The following PCCB variants were observed in gnomAD, a reference collection of about 807,000 sequenced individuals.
PCCB encodes the protein propionyl-CoA carboxylase subunit beta.
In PCCB, 43 loss-of-function variants were observed where a neutral mutation model predicts 60.7. The ratio of observed to expected loss-of-function variants is 0.71; its 90% CI spans 0.55 to 0.91. The LOEUF is 0.91. Ranked by LOEUF, PCCB falls within the 40% of genes least tolerant of loss-of-function variation. The probability of loss-of-function intolerance (pLI) is 0.00; values close to 1 mark genes in which losing one functional copy is unlikely to be tolerated. For missense variants in PCCB, 766 were observed against 702.8 expected, an observed-to-expected ratio of 1.09 and a Z score of -1.02; for synonymous variants, 276 against 255.9, an observed-to-expected ratio of 1.08 and a Z score of -0.75.
chr3:136,292,560 G>A (rs978260116), intron 6 of PCCB, among the ~76,000 whole-genome samples: 1 of 152,134 alleles, frequency 6.6e-6, no homozygotes, highest in Admixed American at 6.6e-5. Context: ...TGAAAGTTAT[G>A]ATACAAATCC....
intron 7 of PCCB, among the ~76,000 whole-genome samples, chr3:136,296,033 A>G (rs1933920300): frequency 6.6e-6 from 1 of 152,186 alleles, no homozygotes; most frequent in African/African-American, 2.4e-5. Flanking sequence ...GGCAAGGCAC[A>G]AAAAGGTGCT....
chr3:136,307,103 A>G lies in PCCB; in HGVS notation c.966+5992A>G, dbSNP rs904099228. Among the ~76,000 whole-genome samples, 4 of 122,600 alleles carry G rather than the reference A, an allele frequency of 3.3e-5. 1 individual carries two copies. Among genetic ancestry groups the G allele is most frequent in the Non-Finnish European group, 5.5e-5 (3 of 55,008 alleles). 80.4% of individuals were successfully genotyped at this position (122,600 alleles called of 152,430 possible). A position where few individuals can be genotyped will look rare whatever the true frequency, so the allele number is the denominator to read the frequency against. On this transcript the variant is annotated intron_variant, in intron 9 of 14. Coordinates refer to ENST00000251654, the MANE Select transcript of PCCB (RefSeq NM_000532.5). Reference sequence around the variant, plus strand: ...CACTTTCAGGAGGCTGAAGGAAAGAATCTGTGACTAAGGATTTTATGTTTA... The same window carrying G: ...CACTTTCAGGAGGCTGAAGGAAAGAGTCTGTGACTAAGGATTTTATGTTTA...
chr3:136,313,445 A>G (rs910834051), intron 9 of PCCB, among the ~76,000 whole-genome samples: 9 of 152,210 alleles, frequency 5.9e-5, no homozygotes, highest in African/African-American at 2.2e-4. Context: ...GATTCCCAGG[A>G]CATATTAAGT....
At chr3:136,284,947 GC>G (rs1304934020) in intron 6 of PCCB, among the ~76,000 whole-genome samples, 2 of 151,948 alleles carry the variant, frequency 1.3e-5, no homozygotes, top group Admixed American at 6.6e-5. Context: ...AATTAGCTGG[GC>G]GTGGTGGTGC....
At chr3:136,266,377 C>A (rs1941983082) in intron 5 of PCCB, among the ~76,000 whole-genome samples, 1 of 152,174 alleles carries the variant, frequency 6.6e-6, no homozygotes, top group Non-Finnish European at 1.5e-5. Flanking sequence ...GATCCATCTG[C>A]CTTGGCCTCC....
intron 9 of PCCB, among the ~76,000 whole-genome samples, chr3:136,308,259 A>C (rs1404641218): frequency 8.0e-6 from 1 of 125,400 alleles, no homozygotes; most frequent in East Asian, 2.4e-4. Context: ...TTTGATATGG[A>C]GTCTCACTCT....
intron 10 of PCCB, among the ~76,000 whole-genome samples, chr3:136,317,265 A>G (rs186107946): frequency 7.8e-4 from 87 of 111,778 alleles, no homozygotes; most frequent in African/African-American, 3.0e-3. Flanking sequence ...ACTGGTGTCT[A>G]GGCTGGAGTG....
intron 5 of PCCB, among the ~76,000 whole-genome samples, chr3:136,273,784 T>C (rs1320760589): frequency 3.3e-5 from 5 of 149,536 alleles, no homozygotes; most frequent in South Asian, 2.1e-4. Flanking sequence ...TGGTGGCGGG[T>C]GCCTGTAGTC....
chr3:136,284,235 T>C (rs1933246245), intron 6 of PCCB, among the ~76,000 whole-genome samples: 1 of 152,230 alleles, frequency 6.6e-6, no homozygotes. Flanking sequence ...TTTGACCAGA[T>C]AGATGACTGT....
Position 136,283,945 on chromosome 3 carries a change from A to C in PCCB, c.652A>C (p.Lys218Gln). ...PALTDFTFMV[K>Q]DTSYLFITGP... ...CCTAACAGACTTCACGTTCATGGTA[A>C]AGGTAAGAAAGAAGGGCCTGTTTTT... The change falls in exon 6 of 15, where the codon AAG becomes CAG. Residue 218 changes from lysine (K) to glutamine (Q), a missense_variant and splice_region_variant. Transcript: ENST00000251654. 3 of 1,598,002 alleles carry C rather than the reference A, an allele frequency of 1.9e-6. No individual in the cohort carries two copies. Among genetic ancestry groups the C allele is most frequent in the Non-Finnish European group, 2.6e-6 (3 of 1,165,544 alleles).
Position 136,330,050 on chromosome 3 carries a change from A to G in PCCB, c.*24A>G, listed in dbSNP as rs372740377. 1.2e-6 allele frequency: 2 copies of G among 1,613,814 alleles called. No homozygotes were observed. The highest frequency in any genetic ancestry group is 2.7e-5 in the African/African-American group (2 of 74,938). On this transcript the variant is annotated 3_prime_UTR_variant, in exon 15 of 15. Transcript: ENST00000251654. ...AAACAAATCAAAGGAAAAGAAACCA[A>G]GAACTGAATTACTGTCTGCCCATTC...
intron 5 of PCCB, among the ~76,000 whole-genome samples, chr3:136,272,121 A>G (rs1156982918): frequency 6.6e-6 from 1 of 152,114 alleles, no homozygotes; most frequent in African/African-American, 2.4e-5. Context: ...AGATGATCAT[A>G]TGGTTTTTGT....
chr3:136,326,411 A>G, intron 10 of PCCB: 1 of 702,750 alleles, frequency 1.4e-6, no homozygotes, highest in African/African-American at 1.7e-5. Context: ...TCAAAAGGCA[A>G]AGTAATTTCT....
intron 5 of PCCB, 103 bp from the exon 6 acceptor site, chr3:136,283,734 T>C (rs1489113659): frequency 1.3e-6 from 1 of 798,214 alleles, no homozygotes; most frequent in Non-Finnish European, 2.2e-6. Context: ...AGAATTTCTG[T>C]GGGAAAAAAG....
chr3:136,266,956 C>T (rs1385279406), intron 5 of PCCB, among the ~76,000 whole-genome samples: 1 of 152,162 alleles, frequency 6.6e-6, no homozygotes, highest in African/African-American at 2.4e-5. Flanking sequence ...GATCTTAGCT[C>T]ACTGCAACCT....
intron 5 of PCCB, among the ~76,000 whole-genome samples, chr3:136,279,583 A>G (rs1359202443): frequency 1.3e-5 from 2 of 152,106 alleles, no homozygotes; most frequent in Non-Finnish European, 2.9e-5. Context: ...TTATGTTGTT[A>G]TTGTCATAGA....
At chr3:136,311,385 T>G (rs1934660460) in intron 9 of PCCB, among the ~76,000 whole-genome samples, 1 of 152,126 alleles carries the variant, frequency 6.6e-6, no homozygotes, top group Non-Finnish European at 1.5e-5. Context: ...AGGGTTTCAC[T>G]CTGTCACCCA....
In PCCB at chr3:136,273,911, C is replaced by CAA. The variant is rs34690853; in HGVS notation, c.544-9902_544-9901dup. ...TGGGTGACAGAGGGAGACTCTGTCT[C>CAA]AAAAAAAAAAAAAAAAAAAAAAAAA... is the stretch of plus-strand genomic sequence containing the variant. On this transcript the variant is annotated intron_variant, in intron 5 of 14. Transcript: ENST00000251654. Among the ~76,000 whole-genome samples, 109 of 55,492 alleles carry CAA rather than the reference C, an allele frequency of 2.0e-3. 1 individual carries two copies. The highest frequency in any genetic ancestry group is 4.8e-3 in the Admixed American group (17 of 3,518). 36.4% of individuals were successfully genotyped at this position (55,492 alleles called of 152,430 possible).
chr3:136,291,432 G>GGT (rs1305718815), intron 6 of PCCB, among the ~76,000 whole-genome samples: 2 of 152,158 alleles, frequency 1.3e-5, no homozygotes, highest in Non-Finnish European at 1.5e-5. Context: ...TGATACACTA[G>GGT]GTAAAAGGAA....
Sources: allele counts gnomAD v4.1 joint callset (sites outside exome capture counted in the v4.1 genomes callset), GRCh38; gene constraint gnomAD v4.1.1; transcripts MANE v1.5; gene names NCBI Gene and HGNC (gene_info 2026-07-23, HGNC 2026-07-21).